The following DRC11 variants were observed in gnomAD, a reference collection of about 807,000 sequenced individuals.
DRC11 encodes the protein IQ and AAA domain-containing protein 1.
At chr2:236,467,679 G>A in the DRC11 span, among the ~76,000 whole-genome samples, 1 of 152,174 alleles carries the variant, frequency 6.6e-6, no homozygotes, top group African/African-American at 2.4e-5. Context: ...AATGTCCAAG[G>A]GTAAGAGAAC....
At chr2:236,344,442 T>C in the DRC11 span, 1 of 679,642 alleles carries the variant, frequency 1.5e-6, no homozygotes, top group Non-Finnish European at 2.6e-6. Context: ...AGAGCCCCAG[T>C]GTTTCCTTCC....
At chr2:236,418,185 T>C in the DRC11 span, among the ~76,000 whole-genome samples, 8 of 152,180 alleles carry the variant, frequency 5.3e-5, no homozygotes, top group Non-Finnish European at 1.2e-4. Flanking sequence ...ATTTACACTC[T>C]CACCAACAGT....
chr2:236,347,250 A>G, the DRC11 span, among the ~76,000 whole-genome samples: 2 of 152,162 alleles, frequency 1.3e-5, no homozygotes, highest in South Asian at 2.1e-4. Context: ...TGGCATGATC[A>G]GGGAACATTT....
chr2:236,506,036 G>C, the DRC11 span, among the ~76,000 whole-genome samples: 2 of 152,160 alleles, frequency 1.3e-5, no homozygotes, highest in Non-Finnish European at 2.9e-5. This position sits in a 1 kb window ranked among gnomAD's most constrained non-coding sequence, Gnocchi z 4.9. Context: ...CTCCTGTCAA[G>C]GTCACTGGTG....
chr2:236,416,724 TATATA>T, the DRC11 span, among the ~76,000 whole-genome samples: 955 of 20,486 alleles, frequency 0.047, 48 homozygotes, highest in African/African-American at 0.056. Flanking sequence ...TATATATTTA[TATATA>T]TATATATATA....
chr2:236,318,646 GTGTGCA>G, the DRC11 span, among the ~76,000 whole-genome samples: 2 of 152,032 alleles, frequency 1.3e-5, no homozygotes, highest in Non-Finnish European at 2.9e-5. This position sits in a 1 kb window ranked among gnomAD's most constrained non-coding sequence, Gnocchi z 7.0. Flanking sequence ...GTGTTTGTAT[GTGTGCA>G]TGTGTTTGTG....
the DRC11 span, among the ~76,000 whole-genome samples, chr2:236,489,308 G>A: frequency 6.9e-6 from 1 of 145,834 alleles, no homozygotes; most frequent in Non-Finnish European, 1.5e-5. Context: ...TGCATGCTGG[G>A]GCCTGTGTGG....
At chr2:236,370,684 A>T in the DRC11 span, among the ~76,000 whole-genome samples, 1 of 152,132 alleles carries the variant, frequency 6.6e-6, no homozygotes, top group East Asian at 1.9e-4. This position sits in a 1 kb window ranked among gnomAD's most constrained non-coding sequence, Gnocchi z 5.5. Context: ...AAGTGATATA[A>T]AGAAAATAAG....
chr2:236,408,659 C>T, the DRC11 span: 1 of 721,528 alleles, frequency 1.4e-6, no homozygotes, highest in Non-Finnish European at 2.6e-6. This position sits in a 1 kb window ranked among gnomAD's most constrained non-coding sequence, Gnocchi z 5.5. Flanking sequence ...CATCCATATT[C>T]TGCCATTTCT....
At chr2:236,367,121 ACTG>A in the DRC11 span, among the ~76,000 whole-genome samples, 1 of 100,236 alleles carries the variant, frequency 1.0e-5, no homozygotes, top group South Asian at 2.8e-4. The surrounding 1 kb of genome is among the most constrained non-coding windows in gnomAD (Gnocchi z 4.8). Context: ...TGCCTGGCTC[ACTG>A]GTGCTTTCTG....
chr2:236,455,323 A>G, the DRC11 span, among the ~76,000 whole-genome samples: 2 of 152,248 alleles, frequency 1.3e-5, no homozygotes, highest in South Asian at 2.1e-4. The surrounding 1 kb of genome is among the most constrained non-coding windows in gnomAD (Gnocchi z 5.7). Context: ...GCCACTGAGC[A>G]TGTCTAAGCC....
At chr2:236,476,001 G>A in the DRC11 span, among the ~76,000 whole-genome samples, 1 of 152,124 alleles carries the variant, frequency 6.6e-6, no homozygotes, top group Admixed American at 6.5e-5. The surrounding 1 kb of genome is among the most constrained non-coding windows in gnomAD (Gnocchi z 4.7). Context: ...AAGTCAGGTG[G>A]TGTATGTAAT....
chr2:236,502,783 T>C, the DRC11 span, among the ~76,000 whole-genome samples: 105 of 151,206 alleles, frequency 6.9e-4, no homozygotes, highest in African/African-American at 2.5e-3. Flanking sequence ...AGACAAACCC[T>C]GTCTCTACTA....
At chr2:236,378,237 G>A in the DRC11 span, among the ~76,000 whole-genome samples, 1 of 152,110 alleles carries the variant, frequency 6.6e-6, no homozygotes, top group African/African-American at 2.4e-5. Context: ...TGGAATTTAG[G>A]ATAGCAATAT....
the DRC11 span, among the ~76,000 whole-genome samples, chr2:236,389,851 A>C: frequency 7.2e-5 from 11 of 152,262 alleles, no homozygotes; most frequent in East Asian, 2.1e-3. Context: ...GCTGGAAGTT[A>C]CTTGGAATGT....
At chr2:236,354,649 T>C in the DRC11 span, among the ~76,000 whole-genome samples, 1 of 152,146 alleles carries the variant, frequency 6.6e-6, no homozygotes, top group South Asian at 2.1e-4. Flanking sequence ...TGCCTAAACA[T>C]TTTGAATGCT....
chr2:236,410,310 A>G, the DRC11 span, among the ~76,000 whole-genome samples: 1 of 151,998 alleles, frequency 6.6e-6, no homozygotes, highest in African/African-American at 2.4e-5. Flanking sequence ...CTATTCAGAG[A>G]TTCAACTTCT....
the DRC11 span, chr2:236,368,464 T>A: frequency 5.1e-6 from 3 of 585,422 alleles, no homozygotes; most frequent in Non-Finnish European, 9.1e-6. Flanking sequence ...TTTTCTCAGA[T>A]AAAGGTTTGA....
At chr2:236,451,045 C>T in the DRC11 span, among the ~76,000 whole-genome samples, 1 of 152,164 alleles carries the variant, frequency 6.6e-6, no homozygotes. Flanking sequence ...CAAGTCTTTT[C>T]TCATTTCTTC....
Sources: allele counts gnomAD v4.1 joint callset (sites outside exome capture counted in the v4.1 genomes callset), GRCh38; gene constraint gnomAD v4.1.1; non-coding constraint Gnocchi (gnomAD v3.1); transcripts MANE v1.5; gene names NCBI Gene and HGNC (gene_info 2026-07-23, HGNC 2026-07-21).